SCLT1: variants seen among roughly 807,000 people sequenced by gnomAD.
SCLT1 encodes the protein sodium channel and clathrin linker 1, also known as sodium channel-associated protein 1.
Under a neutral mutation model 112.8 loss-of-function variants are expected in SCLT1, and 78 were observed. That is an observed-to-expected ratio of 0.69 (90% CI 0.58 to 0.83). The LOEUF is 0.83. Ranked by LOEUF, SCLT1 falls within the 40% of genes least tolerant of loss-of-function variation. SCLT1 has a pLI of 0.00. For missense variants in SCLT1, 747 were observed against 770.4 expected, an observed-to-expected ratio of 0.97 and a Z score of 0.36; for synonymous variants, 257 against 254.7, an observed-to-expected ratio of 1.01 and a Z score of -0.09.
intron 5 of SCLT1, among the ~76,000 whole-genome samples, chr4:129,028,123 T>C (rs1746305985): frequency 6.6e-6 from 1 of 152,174 alleles, no homozygotes; most frequent in African/African-American, 2.4e-5. Context: ...ATAGATTGAA[T>C]GCCATCCCCA....
intron 18 of SCLT1, among the ~76,000 whole-genome samples, chr4:128,918,155 C>A (rs1481217297): frequency 6.6e-6 from 1 of 151,996 alleles, no homozygotes; most frequent in Non-Finnish European, 1.5e-5. Context: ...AGCTTTACAA[C>A]AAAAATTTTC....
At chr4:129,058,970 A>G (rs922681870) in intron 2 of SCLT1, among the ~76,000 whole-genome samples, 2 of 152,076 alleles carry the variant, frequency 1.3e-5, no homozygotes, top group Non-Finnish European at 2.9e-5. Context: ...CTCCTTTCTG[A>G]ATTGATCAGG....
chr4:129,010,850 G>C (rs780587345), intron 5 of SCLT1, among the ~76,000 whole-genome samples: 2 of 152,134 alleles, frequency 1.3e-5, no homozygotes, highest in Non-Finnish European at 2.9e-5. Context: ...TATAGATATA[G>C]AATCCTGCCA....
At position 128,943,057 on chromosome 4, in the gene SCLT1, C is replaced by T. The variant is rs1312635867; in HGVS notation, c.1571G>A (p.Arg524Gln). 13 of 1,613,176 alleles carry T rather than the reference C, an allele frequency of 8.1e-6. No homozygotes were observed. The highest frequency in any genetic ancestry group is 2.2e-5 in the East Asian group (1 of 44,812). The change falls in exon 17 of 21, where the codon CGG becomes CAG. Residue 524 changes from arginine (R) to glutamine (Q), a missense_variant. Around this residue, in one of 2 missense-constraint regions of SCLT1, gnomAD observed 723 missense variants for 721.3 expected, o/e 1.00. Transcript: ENST00000281142. ...LKLQQENKQL[R>Q]KETESLRKIA... The stretch of plus-strand genomic sequence containing the variant: ...CTTCCTTAAACTCTCAGTCTCTTTC[C>T]GTAACTGTTTATTTTCTTGCTGAAG...
chr4:128,903,490 T>G (rs1734477938), intron 18 of SCLT1, among the ~76,000 whole-genome samples: 2 of 152,210 alleles, frequency 1.3e-5, no homozygotes, highest in Non-Finnish European at 2.9e-5. Context: ...TTAGAAAATT[T>G]TAATCCTTAT....
At chr4:129,050,630 G>T (rs1748691448) in intron 2 of SCLT1, among the ~76,000 whole-genome samples, 1 of 152,080 alleles carries the variant, frequency 6.6e-6, no homozygotes, top group African/African-American at 2.4e-5. Flanking sequence ...GTGGATATTA[G>T]ACCTCTGTCA....
chr4:129,071,410 A>G (rs964630796), intron 2 of SCLT1, among the ~76,000 whole-genome samples: 1 of 152,112 alleles, frequency 6.6e-6, no homozygotes, highest in Non-Finnish European at 1.5e-5. Flanking sequence ...GTTGCTGTCT[A>G]TCTCACTTGT....
At chr4:129,027,777 C>T (rs149156270) in intron 5 of SCLT1, among the ~76,000 whole-genome samples, 1 of 152,030 alleles carries the variant, frequency 6.6e-6, no homozygotes, top group Non-Finnish European at 1.5e-5. Context: ...TCTAGAAAAC[C>T]CCATCGTCTC....
chr4:129,068,219 T>C (rs1367244435), intron 2 of SCLT1, among the ~76,000 whole-genome samples: 1 of 152,124 alleles, frequency 6.6e-6, no homozygotes, highest in Non-Finnish European at 1.5e-5. Context: ...TATGTATGTG[T>C]GTGTGTGTGT....
chr4:128,956,028 T>C (rs1739187629), intron 13 of SCLT1, among the ~76,000 whole-genome samples: 1 of 152,206 alleles, frequency 6.6e-6, no homozygotes, highest in South Asian at 2.1e-4. Flanking sequence ...TTCAGACATG[T>C]TGAGTTTCAG....
intron 2 of SCLT1, among the ~76,000 whole-genome samples, chr4:129,052,361 T>A (rs1429501125): frequency 6.6e-6 from 1 of 152,192 alleles, no homozygotes; most frequent in Non-Finnish European, 1.5e-5. Flanking sequence ...TCCTGGACTT[T>A]TTTTGGTTGG....
intron 5 of SCLT1, among the ~76,000 whole-genome samples, chr4:129,028,315 G>A (rs1176344152): frequency 6.6e-6 from 1 of 151,002 alleles, no homozygotes; most frequent in Non-Finnish European, 1.5e-5. Flanking sequence ...CATGGTACTG[G>A]TACCAAAACA....
intron 9 of SCLT1, among the ~76,000 whole-genome samples, chr4:128,972,895 G>A (rs181952268): frequency 2.6e-5 from 4 of 152,050 alleles, no homozygotes; most frequent in African/African-American, 7.2e-5. Flanking sequence ...TTGGCATAAA[G>A]TCTACACTCC....
intron 17 of SCLT1, among the ~76,000 whole-genome samples, chr4:128,939,999 T>C (rs960926315): frequency 2.0e-5 from 3 of 152,222 alleles, no homozygotes; most frequent in Admixed American, 2.0e-4. Flanking sequence ...CGGCTCTTTA[T>C]CAATGGCTAT....
At chr4:129,063,443 C>T (rs1356070486) in intron 2 of SCLT1, among the ~76,000 whole-genome samples, 3 of 152,216 alleles carry the variant, frequency 2.0e-5, no homozygotes, top group Non-Finnish European at 4.4e-5. Flanking sequence ...GAGAATATCC[C>T]ATGTTTTTTT....
At chr4:129,038,871 T>A (rs1355413543) in intron 5 of SCLT1, among the ~76,000 whole-genome samples, 170 bp downstream of exon 5, 8 of 152,172 alleles carry the variant, frequency 5.3e-5, no homozygotes, top group Non-Finnish European at 1.2e-4. Context: ...GGAAGTAACC[T>A]GTCCAGGGTC....
intron 4 of SCLT1, chr4:128,874,731 G>T (rs898632912): frequency 2.0e-5 from 3 of 151,276 alleles, no homozygotes; most frequent in African/African-American, 7.4e-5. Context: ...ATTTGCATTT[G>T]TTTTTTTTAA....
chr4:129,075,990 C>T (rs537103643), intron 2 of SCLT1, among the ~76,000 whole-genome samples: 116 of 152,214 alleles, frequency 7.6e-4, no homozygotes, highest in Non-Finnish European at 1.4e-3. Flanking sequence ...TTTTCTGTCC[C>T]AGCTGGAATG....
At position 129,082,301 on chromosome 4, in the gene SCLT1, C is replaced by T. The variant is rs1440637919; in HGVS notation, c.102+5G>A. The T allele has an allele frequency of 2.2e-6, 3 of 1,355,514 alleles. No homozygotes were observed. The highest frequency in any genetic ancestry group is 3.0e-6 in the Non-Finnish European group (3 of 986,826). 84.0% of individuals were successfully genotyped at this position (1,355,514 alleles called of 1,614,324 possible). ...ATTCCCAAGTAGAATTTATAATTTA[C>T]ATACCTGTACAGATGAATATTTGGA... On this transcript the variant is annotated splice_donor_5th_base_variant and intron_variant, in intron 2 of 20. Coordinates refer to ENST00000281142, the MANE Select transcript of SCLT1 (RefSeq NM_144643.4).
Sources: allele counts gnomAD v4.1 joint callset (sites outside exome capture counted in the v4.1 genomes callset), GRCh38; gene constraint gnomAD v4.1.1; regional missense constraint gnomAD v4.1.1; transcripts MANE v1.5; gene names NCBI Gene and HGNC (gene_info 2026-07-23, HGNC 2026-07-21).